RABGAP1L: variants seen among roughly 807,000 people sequenced by gnomAD.
RABGAP1L encodes rab GTPase-activating protein 1-like.
In RABGAP1L, 63 loss-of-function variants were observed where a neutral mutation model predicts 137.7. The ratio of observed to expected loss-of-function variants is 0.46; its 90% CI spans 0.37 to 0.56. The LOEUF (loss-of-function observed/expected upper bound fraction) is 0.56, where lower values mean the gene tolerates loss of function less well. Ranked by LOEUF, RABGAP1L falls within the 20% of genes least tolerant of loss-of-function variation. RABGAP1L has a pLI of 0.00. For synonymous variants in RABGAP1L, 431 were observed against 433.7 expected (o/e 0.99, Z 0.08); for missense variants, 1,095 against 1,244.0 (o/e 0.88, Z 1.80).
chr1:174,442,144 G>A (rs1654230403), intron 13 of RABGAP1L, among the ~76,000 whole-genome samples: 1 of 151,882 alleles, frequency 6.6e-6, no homozygotes, highest in Admixed American at 6.6e-5. Flanking sequence ...TGGTAGTAAA[G>A]CTTAGCATTT....
intron 18 of RABGAP1L, among the ~76,000 whole-genome samples, chr1:174,791,204 G>GA (rs1050320088): frequency 9.6e-5 from 14 of 145,168 alleles, no homozygotes; most frequent in East Asian, 2.0e-4. Flanking sequence ...AAAAAAAAAA[G>GA]AAAAAAAAAT....
chr1:174,943,618 G>A (rs899963687), intron 19 of RABGAP1L, among the ~76,000 whole-genome samples: 2 of 151,888 alleles, frequency 1.3e-5, no homozygotes, highest in Non-Finnish European at 2.9e-5. Flanking sequence ...GGCGGATCAC[G>A]AGGTCAGGAG....
chr1:174,447,316 T>G (rs2149247361), intron 13 of RABGAP1L, among the ~76,000 whole-genome samples: 1 of 152,312 alleles, frequency 6.6e-6, no homozygotes, highest in South Asian at 2.1e-4. Context: ...TATTGGAAAA[T>G]ACTTTTTTCT....
chr1:174,709,831 G>A (rs1016275654), intron 17 of RABGAP1L, among the ~76,000 whole-genome samples: 1 of 152,140 alleles, frequency 6.6e-6, no homozygotes, highest in Non-Finnish European at 1.5e-5. Flanking sequence ...TGAGTTTGTC[G>A]AATTGACATA....
intron 14 of RABGAP1L, among the ~76,000 whole-genome samples, 155 bp from the exon 15 acceptor site, chr1:174,683,367 A>C (rs1187343027): frequency 6.6e-6 from 1 of 152,166 alleles, no homozygotes; most frequent in African/African-American, 2.4e-5. Flanking sequence ...TGGGGATCTC[A>C]CTGTGCTAGT....
intron 11 of RABGAP1L, among the ~76,000 whole-genome samples, chr1:174,314,147 T>G (rs761515005): frequency 6.6e-6 from 1 of 152,156 alleles, no homozygotes; most frequent in Non-Finnish European, 1.5e-5. Context: ...CCTGGGCTTT[T>G]CTTTAGTGGG....
chr1:174,232,081 TG>T (rs140184823), intron 4 of RABGAP1L, among the ~76,000 whole-genome samples: 2,156 of 152,314 alleles, frequency 0.014, 64 homozygotes, highest in African/African-American at 0.05. Flanking sequence ...GAAGTAATAG[TG>T]GTTGAAAGAA....
intron 18 of RABGAP1L, among the ~76,000 whole-genome samples, chr1:174,803,005 G>C (rs886809790): frequency 6.6e-6 from 1 of 152,132 alleles, no homozygotes; most frequent in African/African-American, 2.4e-5. Context: ...AAACATGAAT[G>C]CTTGTGGGTT....
chr1:174,161,920 C>T (rs1664494086), intron 1 of RABGAP1L, among the ~76,000 whole-genome samples: 2 of 151,916 alleles, frequency 1.3e-5, no homozygotes, highest in African/African-American at 4.8e-5. Context: ...TTTGTAGAGT[C>T]AAGGGTCTCA....
intron 19 of RABGAP1L, among the ~76,000 whole-genome samples, chr1:174,894,179 G>GTT (rs1656750333): frequency 6.6e-6 from 1 of 152,204 alleles, no homozygotes; most frequent in Non-Finnish European, 1.5e-5. Flanking sequence ...CCTCTAAATA[G>GTT]TTAACATTTA....
chr1:174,520,341 G>A (rs1246335779), intron 13 of RABGAP1L, among the ~76,000 whole-genome samples: 1 of 152,166 alleles, frequency 6.6e-6, no homozygotes, highest in Admixed American at 6.5e-5. Context: ...GGCCAGCAGT[G>A]ACTTCACAGC....
chr1:174,974,845 C>T lies in RABGAP1L; in HGVS notation c.2545-1233C>T, dbSNP rs535535603. On this transcript the variant is annotated intron_variant, in intron 21 of 25. Transcript: ENST00000681986. ...ATATGGCAGAAAACAGACAGAAGGC[C>T]GCTTGGCCAGTCCTCAGCAGACTGG... Among the ~76,000 whole-genome samples, 8 of 152,248 alleles carry T rather than the reference C, an allele frequency of 5.3e-5. No homozygotes were observed. The South Asian group carries it at 1.2e-3, about 24-fold the overall frequency.
chr1:174,371,453 A>G (rs1185842185), intron 12 of RABGAP1L, among the ~76,000 whole-genome samples: 4 of 152,108 alleles, frequency 2.6e-5, no homozygotes, highest in Non-Finnish European at 4.4e-5. Context: ...TATTACCACT[A>G]AAATGGGCTG....
At chr1:174,387,200 A>C (rs1288220837) in intron 12 of RABGAP1L, among the ~76,000 whole-genome samples, 2 of 152,142 alleles carry the variant, frequency 1.3e-5, no homozygotes, top group Admixed American at 1.3e-4. Flanking sequence ...TTTCTTGACC[A>C]CTTTTTTTCC....
Position 174,548,927 on chromosome 1 carries a change from A to G in RABGAP1L, c.1711-88448A>G, listed in dbSNP as rs140543385. On this transcript the variant is annotated intron_variant, in intron 13 of 25. Coordinates refer to ENST00000681986, the MANE Select transcript of RABGAP1L (RefSeq NM_001366446.1). ...ATCTAAAGTTTTTAATGATTTTTCA[A>G]TTATGAAAATGTTTTACTATTGTGC... is the stretch of plus-strand genomic sequence containing the variant. Among the ~76,000 whole-genome samples the G allele has an allele frequency of 2.9e-3, 445 of 152,342 alleles. 7 individuals carry two copies. The highest frequency in any genetic ancestry group is 5.3e-4 in the Non-Finnish European group (36 of 68,022).
chr1:174,644,605 G>A (rs1674803370), intron 14 of RABGAP1L, among the ~76,000 whole-genome samples: 1 of 151,596 alleles, frequency 6.6e-6, no homozygotes, highest in South Asian at 2.1e-4. Flanking sequence ...GCTCTTTATG[G>A]TGCCTCCTGA....
At chr1:174,506,605 A>G (rs929729407) in intron 13 of RABGAP1L, among the ~76,000 whole-genome samples, 1 of 152,196 alleles carries the variant, frequency 6.6e-6, no homozygotes, top group Non-Finnish European at 1.5e-5. Context: ...AAAGATCTCT[A>G]TACAACAAAA....
intron 13 of RABGAP1L, among the ~76,000 whole-genome samples, chr1:174,601,316 A>G (rs1244084145): frequency 2.0e-5 from 3 of 152,208 alleles, no homozygotes; most frequent in Non-Finnish European, 2.9e-5. Context: ...CATTTTCCCC[A>G]TGGTCTTGGG....
At chr1:174,265,766 G>C (rs887875721) in intron 7 of RABGAP1L, among the ~76,000 whole-genome samples, 2 of 142,864 alleles carry the variant, frequency 1.4e-5, no homozygotes, top group Non-Finnish European at 3.1e-5. Context: ...TCTCTGTACT[G>C]GTATTTTTTT....
Sources: allele counts gnomAD v4.1 joint callset (sites outside exome capture counted in the v4.1 genomes callset), GRCh38; gene constraint gnomAD v4.1.1; transcripts MANE v1.5; gene names NCBI Gene and HGNC (gene_info 2026-07-23, HGNC 2026-07-21).